Variants in TTC29 observed in about 807,000 individuals in gnomAD.
TTC29 encodes the protein tetratricopeptide repeat domain 29, also known as tetratricopeptide repeat protein 29.
TTC29 carries 49 observed loss-of-function variants against 58.1 expected under a neutral mutation model. The observed-to-expected ratio is 0.84, with a 90% confidence interval of 0.67 to 1.07. The LOEUF is 1.07. Among genes scored for constraint, TTC29 ranks in the 50% least tolerant of loss-of-function variants. TTC29 has a pLI of 0.00. For synonymous variants in TTC29, 209 were observed against 196.8 expected (o/e 1.06, Z -0.52); for missense variants, 582 against 555.6 (o/e 1.05, Z -0.48).
At chr4:146,800,485 T>C (rs1308222368) in intron 11 of TTC29, among the ~76,000 whole-genome samples, 1 of 152,206 alleles carries the variant, frequency 6.6e-6, no homozygotes, top group Non-Finnish European at 1.5e-5. Context: ...TGCCTTTTCT[T>C]AGAAGAAAGG....
rs57951745 is a variant in TTC29, at chr4:146,780,302, G to GGTGTGTGTGTGT, written c.1330+23143_1330+23154dup. On this transcript the variant is annotated intron_variant, in intron 11 of 12. Transcript: ENST00000325106. ...TTCTGAATGAGTCTTCCTAACTTGG[G>GGTGTGTGTGTGT]GTGTGTGTGTGTGTGTGTGTGTGTG... Among the ~76,000 whole-genome samples the GGTGTGTGTGTGT allele has an allele frequency of 1.8e-3, 244 of 138,528 alleles. 3 individuals carry two copies. Among genetic ancestry groups the GGTGTGTGTGTGT allele is most frequent in the Middle Eastern group, 7.4e-3 (2 of 272 alleles). The allele number at this position is 138,528 out of a possible 152,430, so 90.9% of individuals were successfully genotyped here.
chr4:146,755,218 A>T (rs1746350918), intron 11 of TTC29, among the ~76,000 whole-genome samples: 1 of 152,192 alleles, frequency 6.6e-6, no homozygotes, highest in Admixed American at 6.5e-5. Context: ...CTGATAAAAG[A>T]AGTTGAAGAA....
chr4:146,892,209 C>T (rs1422324162), intron 6 of TTC29, among the ~76,000 whole-genome samples: 1 of 152,088 alleles, frequency 6.6e-6, no homozygotes, highest in African/African-American at 2.4e-5. Context: ...AATTCTCTCT[C>T]TCCTGCTCTA....
At chr4:146,770,834 GC>G (rs1371557375) in intron 11 of TTC29, among the ~76,000 whole-genome samples, 2 of 152,004 alleles carry the variant, frequency 1.3e-5, no homozygotes, top group Admixed American at 6.6e-5. Context: ...TTGATGTCAG[GC>G]AGTATTCAGA....
intron 5 of TTC29, 72 bp from the exon 6 acceptor site, chr4:146,903,801 C>A (rs573068743): frequency 8.9e-7 from 1 of 1,125,460 alleles, no homozygotes; most frequent in Non-Finnish European, 1.2e-6. Context: ...GAACGGCAAA[C>A]CAATATCATG....
At chr4:146,832,055 C>G (rs987602077) in intron 9 of TTC29, among the ~76,000 whole-genome samples, 1 of 152,140 alleles carries the variant, frequency 6.6e-6, no homozygotes, top group Non-Finnish European at 1.5e-5. Context: ...CACCACCACA[C>G]CCAGCTTATC....
intron 8 of TTC29, among the ~76,000 whole-genome samples, chr4:146,852,181 G>C (rs1377692754): frequency 6.6e-6 from 1 of 152,200 alleles, no homozygotes; most frequent in Admixed American, 6.5e-5. Context: ...CAGCAGCAGA[G>C]GGGCGATTTC....
intron 11 of TTC29, among the ~76,000 whole-genome samples, chr4:146,799,429 A>G (rs1461654912): frequency 1.3e-5 from 2 of 152,194 alleles, no homozygotes; most frequent in African/African-American, 4.8e-5. Flanking sequence ...AGCAAGGAAC[A>G]GGTTACAAAA....
At chr4:146,912,468 G>A (rs935803347) in intron 4 of TTC29, among the ~76,000 whole-genome samples, 3 of 152,086 alleles carry the variant, frequency 2.0e-5, no homozygotes, top group African/African-American at 7.2e-5. Flanking sequence ...CTCCCCTGAA[G>A]CCCCGAGTAG....
At chr4:146,900,479 T>C (rs1733066061) in intron 6 of TTC29, among the ~76,000 whole-genome samples, 1 of 152,136 alleles carries the variant, frequency 6.6e-6, no homozygotes, top group South Asian at 2.1e-4. Flanking sequence ...CCCTGACTGC[T>C]CACATTTTCC....
At chr4:146,718,558 C>G (rs1208247614) in intron 11 of TTC29, among the ~76,000 whole-genome samples, 1 of 152,002 alleles carries the variant, frequency 6.6e-6, no homozygotes, top group Non-Finnish European at 1.5e-5. Context: ...AAAATTAGAC[C>G]ATTTGCTTTC....
At chr4:146,876,707 C>A (rs927977844) in intron 6 of TTC29, among the ~76,000 whole-genome samples, 2 of 152,030 alleles carry the variant, frequency 1.3e-5, no homozygotes, top group Non-Finnish European at 2.9e-5. Context: ...GAGGCTGAGG[C>A]CTGTGGACCA....
chr4:146,739,764 C>A (rs115528528), intron 11 of TTC29, among the ~76,000 whole-genome samples: 1 of 152,154 alleles, frequency 6.6e-6, no homozygotes. Context: ...AATGTAGTGC[C>A]CTTCTGTATC....
At position 146,761,669 on chromosome 4, in the gene TTC29, G is replaced by GTTT. The variant is rs71592468; in HGVS notation, c.1330+41785_1330+41787dup. Among the ~76,000 whole-genome samples the GTTT allele has an allele frequency of 3.7e-3, 474 of 127,622 alleles. 1 individual carries two copies. Among genetic ancestry groups the GTTT allele is most frequent in the African/African-American group, 0.012 (429 of 34,766 alleles). The allele number at this position is 127,622 out of a possible 152,430, so 83.7% of individuals were successfully genotyped here. On this transcript the variant is annotated intron_variant, in intron 11 of 12. Transcript: ENST00000325106. ...TTGAGTAGTTTCCCTAAACAGAGTA[G>GTTT]TTTTTTTTTTTTTTTTTGTAGACTT...
chr4:146,751,616 C>A (rs1176295459), intron 11 of TTC29, among the ~76,000 whole-genome samples: 1 of 152,044 alleles, frequency 6.6e-6, no homozygotes, highest in African/African-American at 2.4e-5. Context: ...AAGAGAAAAT[C>A]TAAAGGGTAA....
chr4:146,741,990 C>A (rs754308562), intron 11 of TTC29, among the ~76,000 whole-genome samples: 2 of 152,136 alleles, frequency 1.3e-5, no homozygotes, highest in Non-Finnish European at 2.9e-5. Context: ...GGTTCACATG[C>A]ATTATCTCAT....
chr4:146,821,383 T>C (rs527434162), intron 9 of TTC29, among the ~76,000 whole-genome samples: 115 of 152,296 alleles, frequency 7.6e-4, no homozygotes, highest in African/African-American at 2.7e-3. Flanking sequence ...AAGTCTACAA[T>C]TGTTAAAGTC....
intron 11 of TTC29, among the ~76,000 whole-genome samples, chr4:146,730,730 T>G (rs4293804): frequency 0.24 from 36,647 of 151,980 alleles, 5,232 homozygotes; most frequent in East Asian, 0.37. Context: ...TGAAGAGGAC[T>G]GAGAAATGAC....
rs770961842 is a variant in TTC29 at position 146,833,881 on chromosome 4, C to A, written c.902G>T (p.Cys301Phe). ...ATCATCCAGGTCTGTGGAGATTTTA[C>A]AGTAAGTGTCAAGGACCTATCAGGA... ...ETALTVLDTY[C>F]KISTDLDDDL... The change falls in exon 9 of 13, where the codon TGT becomes TTT. Residue 301 changes from cysteine to phenylalanine, a missense_variant. Transcript: ENST00000325106. 6.2e-7 allele frequency: 1 copy of A among 1,612,722 alleles called. No individual in the cohort carries two copies. The highest frequency in any genetic ancestry group is 1.7e-5 in the Admixed American group (1 of 59,950).
Sources: allele counts gnomAD v4.1 joint callset (sites outside exome capture counted in the v4.1 genomes callset), GRCh38; gene constraint gnomAD v4.1.1; transcripts MANE v1.5; gene names NCBI Gene and HGNC (gene_info 2026-07-23, HGNC 2026-07-21).